The following PCDH11X variants were observed in gnomAD, a reference collection of about 807,000 sequenced individuals.
The protein encoded by PCDH11X is protocadherin-11 X-linked.
PCDH11X carries 18 observed loss-of-function variants against 53.3 expected under a neutral mutation model. The ratio of observed to expected loss-of-function variants is 0.34; its 90% CI spans 0.23 to 0.50. The LOEUF is 0.50. PCDH11X is among the 20% of genes least tolerant of loss of function. PCDH11X has a pLI of 0.98. For synonymous variants in PCDH11X, 279 were observed against 393.3 expected (o/e 0.71, Z 3.44); for missense variants, 570 against 1,032.4 (o/e 0.55, Z 6.14).
chrX:91,799,398 G>C (rs1461413687), intron 1 of PCDH11X, among the ~76,000 whole-genome samples: 4 of 111,745 alleles, frequency 3.6e-5, no homozygotes, highest in Admixed American at 2.9e-4. Context: ...TGATTACTAA[G>C]AGACTGTTTG....
At chrX:92,291,879 A>G (rs1467157521) in intron 8 of PCDH11X, among the ~76,000 whole-genome samples, 5 of 110,034 alleles carry the variant, frequency 4.5e-5, no homozygotes, top group Non-Finnish European at 9.5e-5. Context: ...AAAACAAAAA[A>G]AAAGAGAAAG....
chrX:91,954,143 A>G (rs761732724), intron 6 of PCDH11X, among the ~76,000 whole-genome samples: 1 of 108,597 alleles, frequency 9.2e-6, no homozygotes, highest in East Asian at 2.9e-4. Context: ...AGGCCCCAGT[A>G]TGTTGTTTTC....
At chrX:92,335,286 G>A (rs1371444338) in intron 8 of PCDH11X, among the ~76,000 whole-genome samples, 1 of 110,090 alleles carries the variant, frequency 9.1e-6, no homozygotes, top group African/African-American at 3.3e-5. Context: ...TTTAGACCTC[G>A]AGTGACTCTT....
chrX:92,510,093 T>C (rs1335070457), intron 10 of PCDH11X, among the ~76,000 whole-genome samples: 4 of 103,942 alleles, frequency 3.8e-5, no homozygotes, highest in African/African-American at 1.0e-4. Flanking sequence ...AAACCTGCAG[T>C]ATACAATTTC....
chrX:92,518,006 T>G (rs1384711153), intron 10 of PCDH11X, among the ~76,000 whole-genome samples: 1 of 108,942 alleles, frequency 9.2e-6, no homozygotes, highest in Non-Finnish European at 1.9e-5. Flanking sequence ...CTTCTTTTGG[T>G]AAAAATTGCT....
At chrX:92,121,985 T>TTTTG (rs1362298152) in intron 6 of PCDH11X, among the ~76,000 whole-genome samples, 3 of 103,745 alleles carry the variant, frequency 2.9e-5, no homozygotes, top group African/African-American at 1.1e-4. Context: ...ATTTCTGTTT[T>TTTTG]TTTTTTTTTT....
At chrX:91,986,241 A>C (rs1279668035) in intron 6 of PCDH11X, among the ~76,000 whole-genome samples, 1 of 111,469 alleles carries the variant, frequency 9.0e-6, no homozygotes, top group African/African-American at 3.3e-5. Flanking sequence ...AATTATACCC[A>C]CTAAAATAGT....
intron 8 of PCDH11X, among the ~76,000 whole-genome samples, chrX:92,269,897 G>T (rs993528465): frequency 9.0e-6 from 1 of 110,644 alleles, no homozygotes; most frequent in African/African-American, 3.3e-5. Context: ...ATTTGGGCAA[G>T]ATTTTTCTGC....
intron 10 of PCDH11X, among the ~76,000 whole-genome samples, chrX:92,501,605 T>G (rs1051108059): frequency 4.5e-5 from 5 of 111,360 alleles, no homozygotes; most frequent in African/African-American, 1.6e-4. Flanking sequence ...ATTCATCACA[T>G]AAACAGACAA....
intron 8 of PCDH11X, among the ~76,000 whole-genome samples, chrX:92,346,700 T>G (rs984496206): frequency 8.9e-6 from 1 of 112,202 alleles, no homozygotes; most frequent in African/African-American, 3.2e-5. Context: ...ATTCTTTTAC[T>G]TGACGTTCAA....
Position 92,459,808 on chromosome X carries a change from G to A in PCDH11X, c.3344-8491G>A, listed in dbSNP as rs1603333498. On this transcript the variant is annotated intron_variant, in intron 9 of 10. Transcript: ENST00000682573. ...CGGGGGCTCTGGTTCCCGGATCTCC[G>A]TGTCCCGCTCCACCAGCTTCCGGGG... 4 of 1,181,020 alleles carry A rather than the reference G, an allele frequency of 3.4e-6. No homozygotes were observed. In the Admixed American group the frequency reaches 6.6e-5, roughly 19 times the overall value.
chrX:92,339,100 C>G (rs1404988599), intron 8 of PCDH11X, among the ~76,000 whole-genome samples: 3 of 111,144 alleles, frequency 2.7e-5, no homozygotes, highest in Non-Finnish European at 5.7e-5. Context: ...ACTAGAGAAC[C>G]CAGAAATAAA....
intron 10 of PCDH11X, among the ~76,000 whole-genome samples, chrX:92,472,821 T>C (rs756234945): frequency 4.6e-4 from 51 of 110,723 alleles, no homozygotes; most frequent in Middle Eastern, 4.6e-3. Flanking sequence ...GTAGTTCTCC[T>C]TGTAGAGATT....
chrX:92,593,040 A>G (rs1367374334), intron 10 of PCDH11X, among the ~76,000 whole-genome samples: 1 of 110,736 alleles, frequency 9.0e-6, no homozygotes, highest in Non-Finnish European at 1.9e-5. Flanking sequence ...AAGAAACTTT[A>G]ACATGTTTTA....
intron 10 of PCDH11X, among the ~76,000 whole-genome samples, chrX:92,598,416 T>C: frequency 9.0e-6 from 1 of 110,863 alleles, no homozygotes; most frequent in African/African-American, 3.3e-5. Flanking sequence ...TCTCAAAAGA[T>C]GACATGCAAA....
intron 10 of PCDH11X, among the ~76,000 whole-genome samples, chrX:92,521,402 T>G (rs1403945929): frequency 9.0e-6 from 1 of 111,202 alleles, no homozygotes; most frequent in Non-Finnish European, 1.9e-5. Context: ...GAAAGGAATC[T>G]TTTTTTCTCA....
At chrX:91,945,165 TTTAGA>T (rs1175126193) in intron 6 of PCDH11X, among the ~76,000 whole-genome samples, 2 of 103,433 alleles carry the variant, frequency 1.9e-5, no homozygotes, top group African/African-American at 6.9e-5. Context: ...TCTCTGGAGG[TTTAGA>T]TTAAAGAAAA....
In PCDH11X at chrX:91,869,383, A is replaced by T. The variant is rs570029310; in HGVS notation, c.541-7398A>T. On this transcript the variant is annotated intron_variant, in intron 5 of 10. Coordinates refer to ENST00000682573, the MANE Select transcript of PCDH11X (RefSeq NM_032968.5). Reference sequence around the variant, plus strand: ...CAGTGAAAAAATCATTGAACTAAAAACTAAGAGACTTGGCTTTCAAATCGG... The same window carrying T: ...CAGTGAAAAAATCATTGAACTAAAATCTAAGAGACTTGGCTTTCAAATCGG... 1.2e-3 allele frequency among the ~76,000 whole-genome samples: 130 copies of T among 111,317 alleles called. 3 individuals carry two copies. In the South Asian group the frequency reaches 0.049, roughly 42 times the overall value.
At chrX:92,437,801 C>T (rs1480845412) in intron 9 of PCDH11X, among the ~76,000 whole-genome samples, 1 of 109,707 alleles carries the variant, frequency 9.1e-6, no homozygotes, top group Non-Finnish European at 1.9e-5. Context: ...TCTGAATGAA[C>T]CCAAGGGTGG....
Sources: gnomAD v4.1 joint callset for allele counts (sites outside exome capture counted in the v4.1 genomes callset) on GRCh38, gnomAD v4.1.1 for gene constraint, MANE v1.5 for transcripts, NCBI Gene and HGNC (gene_info 2026-07-23, HGNC 2026-07-21) for gene names.